GRK5: variants seen among roughly 807,000 people sequenced by gnomAD.
The protein encoded by GRK5 is g protein-coupled receptor kinase GRK5.
GRK5 carries 40 observed loss-of-function variants against 78.4 expected under a neutral mutation model. The observed-to-expected ratio is 0.51, with a 90% confidence interval of 0.40 to 0.66. The LOEUF (loss-of-function observed/expected upper bound fraction) is 0.66, where lower values mean the gene tolerates loss of function less well. Ranked by LOEUF, GRK5 falls within the 30% of genes least tolerant of loss-of-function variation. GRK5 has a pLI of 0.00. For synonymous variants in GRK5, 289 were observed against 296.8 expected, an observed-to-expected ratio of 0.97 and a Z score of 0.27; for missense variants, 598 against 759.9, an observed-to-expected ratio of 0.79 and a Z score of 2.50.
intron 4 of GRK5, among the ~76,000 whole-genome samples, chr10:119,408,264 C>T (rs1283378401): frequency 7.3e-6 from 1 of 136,324 alleles, no homozygotes; most frequent in Admixed American, 8.7e-5. Context: ...CACCTGAGCT[C>T]TGGAGTTCAA....
chr10:119,429,894 C>T (rs1263549351), intron 6 of GRK5, among the ~76,000 whole-genome samples: 2 of 152,182 alleles, frequency 1.3e-5, no homozygotes, highest in African/African-American at 2.4e-5. Context: ...ACAGGAAGCA[C>T]TGTCATCCTG....
intron 3 of GRK5, among the ~76,000 whole-genome samples, chr10:119,387,242 G>A (rs1418034615): frequency 6.6e-6 from 1 of 152,176 alleles, no homozygotes; most frequent in Non-Finnish European, 1.5e-5. Context: ...GACCTCAAGT[G>A]ATCCGCCTGC....
At chr10:119,320,887 C>T (rs762990415) in intron 1 of GRK5, among the ~76,000 whole-genome samples, 2 of 152,220 alleles carry the variant, frequency 1.3e-5, no homozygotes, top group Non-Finnish European at 2.9e-5. Flanking sequence ...CCCTCCCCAG[C>T]AGTGAGGTGG....
In GRK5 at chr10:119,379,724, G is replaced by A. The variant is rs917833780; in HGVS notation, c.149-1091G>A. On this transcript the variant is annotated intron_variant, in intron 2 of 15. Transcript: ENST00000392870. The surrounding 1 kb of genome is among the most constrained non-coding windows in gnomAD (Gnocchi z 4.1). ...GACAGCATGTTTCAGTGGTTCCTTC[G>A]AGTATCTTCCTGGCCAGAGAGAACT... Among the ~76,000 whole-genome samples, 3 of 152,152 alleles carry A rather than the reference G, an allele frequency of 2.0e-5. No individual in the cohort carries two copies. The highest frequency in any genetic ancestry group is 4.8e-5 in the African/African-American group (2 of 41,408).
At chr10:119,370,628 T>C (rs990112780) in intron 2 of GRK5, among the ~76,000 whole-genome samples, 4 of 152,238 alleles carry the variant, frequency 2.6e-5, no homozygotes, top group Admixed American at 1.3e-4. Context: ...TGATGCCATC[T>C]CGCCTTTCAA....
chr10:119,296,940 A>ACCTGTGAGAACTTGGATT (rs773961832), intron 1 of GRK5, among the ~76,000 whole-genome samples: 174 of 152,176 alleles, frequency 1.1e-3, no homozygotes, highest in Non-Finnish European at 2.1e-3. Context: ...CAGCCACCTG[A>ACCTGTGAGAACTTGGATT]CCTGTGAGAA....
At chr10:119,415,853 T>TTC (rs780104052) in intron 4 of GRK5, among the ~76,000 whole-genome samples, 21 of 152,194 alleles carry the variant, frequency 1.4e-4, no homozygotes, top group Non-Finnish European at 2.5e-4. Flanking sequence ...AGGGGACCCC[T>TTC]TCTCTCAGTT....
intron 1 of GRK5, among the ~76,000 whole-genome samples, chr10:119,288,123 C>G (rs930471206): frequency 6.6e-6 from 1 of 152,254 alleles, no homozygotes; most frequent in African/African-American, 2.4e-5. Context: ...TCTGGGGCTG[C>G]ACCTCATGTT....
At chr10:119,228,594 C>T (rs571562754) in intron 1 of GRK5, among the ~76,000 whole-genome samples, 1 of 152,132 alleles carries the variant, frequency 6.6e-6, no homozygotes, top group East Asian at 1.9e-4. Context: ...GTGCTCCAGC[C>T]TGGGGTGACG....
chr10:119,386,634 G>A (rs1024001502), intron 3 of GRK5, among the ~76,000 whole-genome samples: 3 of 152,172 alleles, frequency 2.0e-5, no homozygotes, highest in Admixed American at 6.5e-5. Context: ...GGGCCGACCC[G>A]CTCCCTTCTG....
At chr10:119,377,167 C>T (rs1192194068) in intron 2 of GRK5, among the ~76,000 whole-genome samples, 1 of 152,178 alleles carries the variant, frequency 6.6e-6, no homozygotes, top group Non-Finnish European at 1.5e-5. Flanking sequence ...GTGGGCAGGC[C>T]CCCTTCCAAG....
chr10:119,350,833 C>T (rs547488828), intron 2 of GRK5, among the ~76,000 whole-genome samples: 22 of 152,274 alleles, frequency 1.4e-4, no homozygotes, highest in African/African-American at 3.1e-4. Flanking sequence ...AGAACATGCA[C>T]GCAGCACAGC....
At chr10:119,346,495 C>T (rs1851097053) in intron 2 of GRK5, among the ~76,000 whole-genome samples, 1 of 152,354 alleles carries the variant, frequency 6.6e-6, no homozygotes, top group Admixed American at 6.5e-5. Context: ...TAAATCCACT[C>T]ATGCCGAAGC....
intron 1 of GRK5, among the ~76,000 whole-genome samples, chr10:119,291,615 T>TCCTCCTCCTCCTCCTCC (rs1564879206): frequency 1.1e-5 from 1 of 88,212 alleles, no homozygotes; most frequent in Non-Finnish European, 2.4e-5. Flanking sequence ...CCTCCTCCTC[T>TCCTCCTCCTCCTCCTCC]TCTTCCTCCT....
chr10:119,358,111 T>C (rs1283994491), intron 2 of GRK5, among the ~76,000 whole-genome samples: 1 of 152,108 alleles, frequency 6.6e-6, no homozygotes, highest in African/African-American at 2.4e-5. Context: ...TTCCCCATTG[T>C]GCAGTGGGGA....
intron 1 of GRK5, among the ~76,000 whole-genome samples, chr10:119,313,186 T>C (rs1445495757): frequency 2.0e-5 from 3 of 148,778 alleles, no homozygotes; most frequent in Non-Finnish European, 1.5e-5. Flanking sequence ...GTGATGGTGA[T>C]GATGATGGTG....
At chr10:119,286,959 G>A (rs1039266863) in intron 1 of GRK5, among the ~76,000 whole-genome samples, 10 of 152,130 alleles carry the variant, frequency 6.6e-5, no homozygotes, top group Non-Finnish European at 7.3e-5. Flanking sequence ...GAGATGTCCT[G>A]TCTGTCTTGT....
chr10:119,402,871 A>G (rs1852172286), intron 4 of GRK5, among the ~76,000 whole-genome samples: 2 of 152,216 alleles, frequency 1.3e-5, no homozygotes, highest in Non-Finnish European at 2.9e-5. Context: ...AAAACAAAAC[A>G]AAACAAAAAT....
chr10:119,264,011 C>T lies in GRK5; in HGVS notation c.52+56042C>T, dbSNP rs1415838555. Reference sequence around the variant, plus strand: ...TTGTGGGTCTTTTCCTTTTCCCTGACACACATTCTGCAAGAGAAGACAGAT... The same window carrying T: ...TTGTGGGTCTTTTCCTTTTCCCTGATACACATTCTGCAAGAGAAGACAGAT... On this transcript the variant is annotated intron_variant, in intron 1 of 15. Transcript: ENST00000392870. This position sits in a 1 kb window ranked among gnomAD's most constrained non-coding sequence, Gnocchi z 4.1. Among the ~76,000 whole-genome samples the T allele has an allele frequency of 2.0e-5, 3 of 152,138 alleles. No homozygotes were observed. Among genetic ancestry groups the T allele is most frequent in the African/African-American group, 7.2e-5 (3 of 41,424 alleles).
Sources: gnomAD v4.1 joint callset for allele counts (sites outside exome capture counted in the v4.1 genomes callset) on GRCh38, gnomAD v4.1.1 for gene constraint, Gnocchi (gnomAD v3.1) non-coding constraint, MANE v1.5 for transcripts, NCBI Gene and HGNC (gene_info 2026-07-23, HGNC 2026-07-21) for gene names.